The following DAW1 variants were observed in gnomAD, a reference collection of about 807,000 sequenced individuals.
DAW1 encodes dynein assembly factor with WD repeat domains 1.
DAW1 carries 47 observed loss-of-function variants against 56.5 expected under a neutral mutation model. That is an observed-to-expected ratio of 0.83 (90% CI 0.66 to 1.06). The LOEUF is 1.06. DAW1 is among the 50% of genes least tolerant of loss of function. The probability of loss-of-function intolerance (pLI) is 0.00; values close to 1 mark genes in which losing one functional copy is unlikely to be tolerated. For synonymous variants in DAW1, 190 were observed against 179.0 expected, an observed-to-expected ratio of 1.06 and a Z score of -0.49; for missense variants, 505 against 499.3, an observed-to-expected ratio of 1.01 and a Z score of -0.11.
chr2:227,907,325 A>G, intron 10 of DAW1, 73 bp downstream of exon 10: 2 of 1,206,758 alleles, frequency 1.7e-6, no homozygotes, highest in Admixed American at 4.3e-5. Flanking sequence ...ATAATTCTAC[A>G]CTATGGGTCA....
chr2:227,894,901 G>A (rs1244991338), intron 5 of DAW1, among the ~76,000 whole-genome samples: 1 of 152,174 alleles, frequency 6.6e-6, no homozygotes, highest in African/African-American at 2.4e-5. Context: ...GCTTATGTTG[G>A]TTGTACTTTC....
chr2:227,876,256 G>A (rs545887246), intron 1 of DAW1, among the ~76,000 whole-genome samples: 4 of 152,280 alleles, frequency 2.6e-5, no homozygotes, highest in South Asian at 2.1e-4. Context: ...TCCTGACCTC[G>A]TGATCCACCC....
At chr2:227,914,430 T>A (rs142622379) in intron 10 of DAW1, among the ~76,000 whole-genome samples, 2 of 152,220 alleles carry the variant, frequency 1.3e-5, no homozygotes, top group African/African-American at 4.8e-5. Flanking sequence ...TAAGTAGTGA[T>A]CTATGTTACT....
At chr2:227,918,706 T>C in intron 10 of DAW1, 74 bp from the exon 11 acceptor site, 1 of 1,515,020 alleles carries the variant, frequency 6.6e-7, no homozygotes, top group East Asian at 2.3e-5. Flanking sequence ...TATATATTTA[T>C]ACAATGCAAA....
chr2:227,897,140 C>T (rs867924790), intron 5 of DAW1, among the ~76,000 whole-genome samples: 6 of 147,666 alleles, frequency 4.1e-5, no homozygotes, highest in Admixed American at 1.4e-4. Flanking sequence ...ATCTTGAGCA[C>T]GTATTGGAAG....
Position 227,912,427 on chromosome 2 carries a change from GT to G in DAW1, c.973+5176del, listed in dbSNP as rs1559313079. On this transcript the variant is annotated intron_variant, in intron 10 of 12. Transcript: ENST00000309931. Reference sequence around the variant, plus strand: ...GTGTTCATCTCTTTGATCACTGGACGTGATGCTAAACTATGCCTGTGTCATC... The same window carrying G: ...GTGTTCATCTCTTTGATCACTGGACGGATGCTAAACTATGCCTGTGTCATC... 12 of 1,304,836 alleles carry G rather than the reference GT, an allele frequency of 9.2e-6. No individual in the cohort carries two copies. In the South Asian group the frequency reaches 1.5e-4, roughly 16 times the overall value. The allele number at this position is 1,304,836 out of a possible 1,614,324, so 80.8% of individuals were successfully genotyped here.
At chr2:227,898,963 T>G (rs1348256306) in intron 6 of DAW1, among the ~76,000 whole-genome samples, 8 of 152,238 alleles carry the variant, frequency 5.3e-5, no homozygotes, top group African/African-American at 9.6e-5. Context: ...ATGTGAAATA[T>G]TTAAATATTT....
intron 10 of DAW1, among the ~76,000 whole-genome samples, chr2:227,910,218 A>G (rs1037208236): frequency 1.7e-4 from 26 of 152,048 alleles, no homozygotes; most frequent in African/African-American, 6.3e-4. Context: ...TCGGGAGGCC[A>G]AGATTGGAGG....
rs199573485 is a variant in DAW1, at chr2:227,919,211, A to G, written c.1050+355A>G. ...ACCCTATCTAGAAAAAAAAAAAAGA[A>G]AAAAAAAAAAAAAGCATGCTCAGTA... On this transcript the variant is annotated intron_variant, in intron 11 of 12. Coordinates refer to ENST00000309931, the MANE Select transcript of DAW1 (RefSeq NM_178821.3). 1.4e-3 allele frequency among the ~76,000 whole-genome samples: 7 copies of G among 4,978 alleles called. No homozygotes were observed. In the East Asian group the frequency reaches 0.017, roughly 12 times the overall value. 3.3% of individuals were successfully genotyped at this position (4,978 alleles called of 152,430 possible).
chr2:227,881,022 A>C (rs1028212758), intron 1 of DAW1, among the ~76,000 whole-genome samples: 2 of 152,204 alleles, frequency 1.3e-5, no homozygotes, highest in Non-Finnish European at 2.9e-5. Context: ...CAGGCAAAAG[A>C]GGACAAAGGA....
intron 1 of DAW1, among the ~76,000 whole-genome samples, chr2:227,874,940 G>T (rs968428536): frequency 1.3e-5 from 2 of 150,292 alleles, no homozygotes; most frequent in African/African-American, 4.9e-5. Flanking sequence ...TCCAGCCTGG[G>T]TGCCAGAGCA....
intron 1 of DAW1, among the ~76,000 whole-genome samples, chr2:227,874,305 A>G (rs1690824803): frequency 2.0e-5 from 3 of 152,234 alleles, no homozygotes; most frequent in Admixed American, 2.0e-4. Context: ...TCACAGGTCT[A>G]CTAGACCCTT....
intron 10 of DAW1, chr2:227,912,413 T>C (rs993647674): frequency 4.1e-5 from 54 of 1,304,762 alleles, no homozygotes; most frequent in Non-Finnish European, 1.1e-5. Flanking sequence ...TGTTCATCTC[T>C]TTGATCACTG....
chr2:227,891,762 C>A (rs1471605330), intron 4 of DAW1, among the ~76,000 whole-genome samples: 2 of 152,284 alleles, frequency 1.3e-5, no homozygotes, highest in African/African-American at 4.8e-5. Flanking sequence ...TCGTCTTGAC[C>A]TACAGACATA....
intron 6 of DAW1, among the ~76,000 whole-genome samples, chr2:227,901,500 G>T (rs1319156336): frequency 6.6e-6 from 1 of 152,088 alleles, no homozygotes. Context: ...AATTGAAATT[G>T]CCCAGAGGAA....
At chr2:227,883,956 G>A (rs1691066835) in intron 1 of DAW1, among the ~76,000 whole-genome samples, 2 of 152,238 alleles carry the variant, frequency 1.3e-5, no homozygotes, top group African/African-American at 4.8e-5. Flanking sequence ...TTTTAAGAGT[G>A]TAAGGTGATC....
At chr2:227,902,727 A>G (rs1691575388) in intron 6 of DAW1, among the ~76,000 whole-genome samples, 1 of 152,142 alleles carries the variant, frequency 6.6e-6, no homozygotes, top group Admixed American at 6.5e-5. Flanking sequence ...GGTGGGCTTC[A>G]CTTTTGTTCT....
chr2:227,879,930 A>G (rs1380527136), intron 1 of DAW1, among the ~76,000 whole-genome samples: 1 of 152,166 alleles, frequency 6.6e-6, no homozygotes, highest in Non-Finnish European at 1.5e-5. Flanking sequence ...TATCAAAACC[A>G]CACTTTATTG....
intron 6 of DAW1, 50 bp downstream of exon 6, chr2:227,898,331 T>A: frequency 2.0e-6 from 2 of 988,182 alleles, no homozygotes; most frequent in Non-Finnish European, 2.6e-6. Flanking sequence ...ATATATATTA[T>A]TTTCTTTGAG....
Sources: gnomAD v4.1 joint callset for allele counts (sites outside exome capture counted in the v4.1 genomes callset) on GRCh38, gnomAD v4.1.1 for gene constraint, MANE v1.5 for transcripts, NCBI Gene and HGNC (gene_info 2026-07-23, HGNC 2026-07-21) for gene names.